The following APMAP variants were observed in gnomAD, a reference collection of about 807,000 sequenced individuals.
APMAP encodes the protein adipocyte plasma membrane associated protein.
In APMAP, 33 loss-of-function variants were observed where a neutral mutation model predicts 43.6. The ratio of observed to expected loss-of-function variants is 0.76; its 90% CI spans 0.57 to 1.01. The LOEUF (loss-of-function observed/expected upper bound fraction) is 1.01, where lower values mean the gene tolerates loss of function less well. Ranked by LOEUF, APMAP falls within the 50% of genes least tolerant of loss-of-function variation. The pLI, the probability that APMAP is intolerant of heterozygous loss-of-function variation, is 0.00. For synonymous variants in APMAP, 224 were observed against 216.7 expected, an observed-to-expected ratio of 1.03 and a Z score of -0.30; for missense variants, 498 against 540.7, an observed-to-expected ratio of 0.92 and a Z score of 0.78.
chr20:24,972,973 T>C (rs1393099859), intron 4 of APMAP, among the ~76,000 whole-genome samples: 1 of 152,198 alleles, frequency 6.6e-6, no homozygotes, highest in East Asian at 1.9e-4. Context: ...TGGGTGTGCA[T>C]GTCCATGAAC....
intron 4 of APMAP, among the ~76,000 whole-genome samples, chr20:24,973,358 C>T (rs7360205): frequency 0.014 from 2,106 of 152,258 alleles, 47 homozygotes; most frequent in African/African-American, 0.048. Flanking sequence ...CAAAGGTAAA[C>T]GGGGACCCCA....
intron 1 of APMAP, among the ~76,000 whole-genome samples, chr20:24,986,355 A>G (rs2088146916): frequency 6.6e-6 from 1 of 152,156 alleles, no homozygotes; most frequent in African/African-American, 2.4e-5. Flanking sequence ...TACAAACACA[A>G]ACAAAATGCC....
At chr20:24,988,523 T>C (rs191250492) in intron 1 of APMAP, among the ~76,000 whole-genome samples, 4 of 152,320 alleles carry the variant, frequency 2.6e-5, no homozygotes, top group East Asian at 1.9e-4. Context: ...GGATCTACCA[T>C]ACCAGTAACA....
rs564159918 is a variant in APMAP, at chr20:24,964,120, T to A, written c.1042-98A>T. 277 of 1,259,578 alleles carry A rather than the reference T, an allele frequency of 2.2e-4. 1 individual carries two copies. The highest frequency in any genetic ancestry group is 2.7e-4 in the Admixed American group (14 of 52,660). 78.0% of individuals were successfully genotyped at this position (1,259,578 alleles called of 1,614,324 possible). ...CCCCACCATCCAGGAACGGTCTGAC[T>A]CCTTCCCATGACAGGGCAGCCCCAC... On this transcript the variant is annotated intron_variant, in intron 8 of 8. Transcript: ENST00000217456.
intron 7 of APMAP, 57 bp downstream of exon 7, chr20:24,969,469 C>A: frequency 6.4e-7 from 1 of 1,551,578 alleles, no homozygotes; most frequent in Non-Finnish European, 8.8e-7. Context: ...GCCCACCCCA[C>A]CCCGGCCATG....
Position 24,971,266 on chromosome 20 carries a change from T to C in APMAP, c.538+194A>G, listed in dbSNP as rs145205697. On this transcript the variant is annotated intron_variant, in intron 5 of 8. Coordinates refer to ENST00000217456, the MANE Select transcript of APMAP (RefSeq NM_020531.3). ...AAATTAGGATACGGACCAAATGGAA[T>C]CATGGGTAGGGAGTTTTCTGGTGTT... Among the ~76,000 whole-genome samples, 139 of 152,302 alleles carry C rather than the reference T, an allele frequency of 9.1e-4. 1 individual carries two copies. Among genetic ancestry groups the C allele is most frequent in the African/African-American group, 3.2e-3 (133 of 41,558 alleles).
rs1395604696 is a variant in APMAP, at chr20:24,963,685, T to A, written c.*128A>T. On this transcript the variant is annotated 3_prime_UTR_variant, in exon 9 of 9. Transcript: ENST00000217456. ...GAATGAAGCAGCCATTCCCACCACC[T>A]CTCAGGGACTAACAGGTGCATGTGG... is the stretch of plus-strand genomic sequence containing the variant. 2.0e-6 allele frequency: 2 copies of A among 993,214 alleles called. No individual in the cohort carries two copies. Among genetic ancestry groups the A allele is most frequent in the Non-Finnish European group, 3.0e-6 (2 of 660,136 alleles). The allele number at this position is 993,214 out of a possible 1,614,324, so 61.5% of individuals were successfully genotyped here. A position where few individuals can be genotyped will look rare whatever the true frequency, so the allele number is the denominator to read the frequency against.
chr20:24,991,542 C>G (rs2088192230), intron 1 of APMAP, among the ~76,000 whole-genome samples: 1 of 152,174 alleles, frequency 6.6e-6, no homozygotes, highest in Non-Finnish European at 1.5e-5. Flanking sequence ...TTCCTGCCAT[C>G]GCTCTCCTTC....
intron 2 of APMAP, among the ~76,000 whole-genome samples, chr20:24,981,254 A>G (rs2122517597): frequency 6.6e-6 from 1 of 152,296 alleles, no homozygotes; most frequent in South Asian, 2.1e-4. Context: ...TGATTCCTAT[A>G]GCATGTACAG....
chr20:24,980,761 C>G (rs538913464), intron 2 of APMAP, among the ~76,000 whole-genome samples: 1 of 151,800 alleles, frequency 6.6e-6, no homozygotes, highest in Non-Finnish European at 1.5e-5. Flanking sequence ...GACCTACCAG[C>G]TTCGCTCGGC....
At chr20:24,989,116 T>G (rs1345531909) in intron 1 of APMAP, among the ~76,000 whole-genome samples, 3 of 152,248 alleles carry the variant, frequency 2.0e-5, no homozygotes, top group Admixed American at 2.0e-4. Flanking sequence ...ACTCTTTTTT[T>G]AACTTAAATA....
intron 1 of APMAP, among the ~76,000 whole-genome samples, chr20:24,986,920 C>T (rs999921296): frequency 2.0e-5 from 3 of 152,204 alleles, no homozygotes; most frequent in African/African-American, 7.2e-5. Context: ...AGTTTGAAAG[C>T]TCTGTGAAAA....
At chr20:24,971,845 T>C (rs1480842894) in intron 4 of APMAP, among the ~76,000 whole-genome samples, 2 of 151,414 alleles carry the variant, frequency 1.3e-5, no homozygotes, top group African/African-American at 4.9e-5. Context: ...AGGTGCTTAT[T>C]GCAGGGTGCT....
intron 1 of APMAP, among the ~76,000 whole-genome samples, chr20:24,988,469 GAGGCCAAAAGTCCA>G (rs1392755040): frequency 3.3e-5 from 5 of 152,168 alleles, no homozygotes; most frequent in Non-Finnish European, 7.3e-5. Flanking sequence ...AGCCAGAAAG[GAGGCCAAAAGTCCA>G]TTGACAAAGA....
intron 3 of APMAP, among the ~76,000 whole-genome samples, chr20:24,978,177 A>C (rs1237736311): frequency 6.6e-6 from 1 of 152,226 alleles, no homozygotes; most frequent in East Asian, 1.9e-4. Context: ...TCCCAATACT[A>C]AACTTAATTC....
intron 1 of APMAP, among the ~76,000 whole-genome samples, chr20:24,988,051 C>G (rs2088163128): frequency 6.6e-6 from 1 of 152,134 alleles, no homozygotes; most frequent in Non-Finnish European, 1.5e-5. Flanking sequence ...TGAGAGCTGC[C>G]CTCACTGCAC....
In APMAP at chr20:24,969,421, G is replaced by A. The variant is rs185310133; in HGVS notation, c.848+105C>T. 7 of 1,466,122 alleles carry A rather than the reference G, an allele frequency of 4.8e-6. No individual in the cohort carries two copies. The Admixed American group carries it at 1.3e-4, about 27-fold the overall frequency. The allele number at this position is 1,466,122 out of a possible 1,614,324, so 90.8% of individuals were successfully genotyped here. On this transcript the variant is annotated intron_variant, in intron 7 of 8. Transcript: ENST00000217456. ...TTCTTTAACATGCCATGCAGAAGGT[G>A]CGCTGCTGCCTCTGATTTCTGTCGA...
chr20:24,967,112 G>A (rs1242972313), intron 8 of APMAP, among the ~76,000 whole-genome samples: 2 of 152,150 alleles, frequency 1.3e-5, no homozygotes, highest in East Asian at 3.9e-4. Flanking sequence ...TGGCCAACAT[G>A]GTGAAAACTC....
intron 5 of APMAP, 101 bp from the exon 6 acceptor site, chr20:24,970,472 A>G: frequency 9.6e-7 from 1 of 1,042,720 alleles, no homozygotes; most frequent in Non-Finnish European, 1.4e-6. Context: ...AAAAACTGAA[A>G]CTTCTCCATG....
Sources: allele counts gnomAD v4.1 joint callset (sites outside exome capture counted in the v4.1 genomes callset), GRCh38; gene constraint gnomAD v4.1.1; transcripts MANE v1.5; gene names NCBI Gene and HGNC (gene_info 2026-07-23, HGNC 2026-07-21).